Variants in SEC23A observed in about 807,000 individuals in gnomAD.
The protein encoded by SEC23A is SEC23 homolog A, COPII component.
A neutral mutation model predicts 103.7 loss-of-function variants in SEC23A; 56 were observed. That is an observed-to-expected ratio of 0.54 (90% CI 0.44 to 0.67). The LOEUF (loss-of-function observed/expected upper bound fraction) is 0.67. Ranked by LOEUF, SEC23A falls within the 30% of genes least tolerant of loss-of-function variation. The pLI is 0.00. For synonymous variants in SEC23A, 281 were observed against 293.0 expected (o/e 0.96, Z 0.42); for missense variants, 784 against 936.4 (o/e 0.84, Z 2.12).
At position 39,094,415 on chromosome 14, in the gene SEC23A, TATATATATATATATATATATATATATA is replaced by T. The variant is rs1566514979; in HGVS notation, c.222-1198_222-1172del. ...ACACACACATATATATATATATATA[TATATATATATATATATATATATATATA>T]TTTTTTTTTTTTTTTTTTCCCCTCC... is the stretch of plus-strand genomic sequence containing the variant. On this transcript the variant is annotated intron_variant, in intron 2 of 19. Transcript: ENST00000307712. Among the ~76,000 whole-genome samples the T allele has an allele frequency of 4.8e-3, 239 of 50,088 alleles. 7 individuals carry two copies. Among genetic ancestry groups the T allele is most frequent in the Middle Eastern group, 0.013 (1 of 78 alleles). 32.9% of individuals were successfully genotyped at this position (50,088 alleles called of 152,430 possible). A position where few individuals can be genotyped will look rare whatever the true frequency, so the allele number is the denominator to read the frequency against.
intron 7 of SEC23A, among the ~76,000 whole-genome samples, chr14:39,078,855 T>C (rs1764565968): frequency 6.6e-6 from 1 of 151,892 alleles, no homozygotes; most frequent in African/African-American, 2.4e-5. Context: ...AGGTCCAGCA[T>C]CAATGTAACA....
At chr14:39,093,030 ATT>A in intron 3 of SEC23A, 155 bp downstream of exon 3, 3 of 511,190 alleles carry the variant, frequency 5.9e-6, no homozygotes, top group East Asian at 3.9e-5. Context: ...CGCCCAGCTA[ATT>A]TTTTTTTTGT....
At chr14:39,081,640 T>C (rs576367999) in intron 7 of SEC23A, among the ~76,000 whole-genome samples, 1 of 152,288 alleles carries the variant, frequency 6.6e-6, no homozygotes. Flanking sequence ...ATATATTTGA[T>C]AACGGGAGCA....
intron 1 of SEC23A, among the ~76,000 whole-genome samples, chr14:39,101,233 A>G (rs900791906): frequency 6.6e-6 from 1 of 152,242 alleles, no homozygotes; most frequent in Non-Finnish European, 1.5e-5. Context: ...ACTTTGGTTA[A>G]ATAATTTATC....
intron 19 of SEC23A, among the ~76,000 whole-genome samples, chr14:39,036,819 T>C (rs1322296652): frequency 6.6e-6 from 1 of 152,224 alleles, no homozygotes; most frequent in Non-Finnish European, 1.5e-5. Flanking sequence ...GAATCATTTA[T>C]ACTTTCGACC....
intron 12 of SEC23A, among the ~76,000 whole-genome samples, chr14:39,062,152 G>A (rs1886502581): frequency 1.3e-5 from 2 of 152,104 alleles, no homozygotes; most frequent in Non-Finnish European, 2.9e-5. Context: ...CAAAGAAAAG[G>A]GAGAGCACAA....
chr14:39,080,051 A>T (rs1263716725), intron 7 of SEC23A, among the ~76,000 whole-genome samples: 4 of 152,148 alleles, frequency 2.6e-5, no homozygotes, highest in Admixed American at 6.5e-5. Flanking sequence ...AATGAAGAAA[A>T]GAGCAAATAA....
At chr14:39,082,699 T>C (rs1887269663) in intron 7 of SEC23A, among the ~76,000 whole-genome samples, 1 of 152,182 alleles carries the variant, frequency 6.6e-6, no homozygotes, top group Non-Finnish European at 1.5e-5. Flanking sequence ...AAAGTGAATA[T>C]CATCAGTAAC....
At chr14:39,037,401 T>A (rs556612760) in intron 19 of SEC23A, among the ~76,000 whole-genome samples, 11 of 152,328 alleles carry the variant, frequency 7.2e-5, no homozygotes, top group African/African-American at 2.6e-4. Context: ...CCTCACCTGT[T>A]TTTTAAAAAT....
intron 7 of SEC23A, among the ~76,000 whole-genome samples, chr14:39,077,245 A>AG (rs1428576584): frequency 3.5e-4 from 52 of 149,368 alleles, no homozygotes; most frequent in Non-Finnish European, 2.7e-4. Context: ...AAAAAAAAAA[A>AG]AAAAAAAAAA....
chr14:39,060,360 A>C (rs1566492373), intron 13 of SEC23A, among the ~76,000 whole-genome samples: 1 of 152,210 alleles, frequency 6.6e-6, no homozygotes, highest in African/African-American at 2.4e-5. Flanking sequence ...GCTAATACTC[A>C]GTTCAAATGT....
intron 1 of SEC23A, among the ~76,000 whole-genome samples, chr14:39,099,610 C>T (rs991700040): frequency 8.5e-5 from 13 of 152,230 alleles, no homozygotes; most frequent in Middle Eastern, 3.4e-3. Flanking sequence ...ATACATTACT[C>T]AGTGAAGCAA....
intron 7 of SEC23A, 136 bp from the exon 8 acceptor site, chr14:39,076,229 G>A: frequency 1.2e-6 from 1 of 822,080 alleles, no homozygotes; most frequent in Non-Finnish European, 1.9e-6. Flanking sequence ...TGTTTACAAT[G>A]AAATTTAAAA....
chr14:39,066,328 T>C (rs969679242), intron 10 of SEC23A, among the ~76,000 whole-genome samples: 6 of 152,130 alleles, frequency 3.9e-5, no homozygotes, highest in African/African-American at 1.4e-4. Flanking sequence ...TTAATGTGCT[T>C]AGAGTTAATT....
At chr14:39,074,919 A>T (rs1886963386) in intron 8 of SEC23A, among the ~76,000 whole-genome samples, 3 of 152,132 alleles carry the variant, frequency 2.0e-5, no homozygotes, top group Admixed American at 2.0e-4. Flanking sequence ...CATCCTGGCA[A>T]ACACGGTGAA....
chr14:39,064,356 C>A (rs1350583607), intron 11 of SEC23A, among the ~76,000 whole-genome samples: 7 of 152,148 alleles, frequency 4.6e-5, no homozygotes, highest in African/African-American at 1.7e-4. Context: ...ATAAAAAGAA[C>A]ATAAAGAACT....
intron 10 of SEC23A, among the ~76,000 whole-genome samples, chr14:39,065,648 A>G (rs1886633545): frequency 6.6e-6 from 1 of 152,008 alleles, no homozygotes; most frequent in Admixed American, 6.6e-5. Flanking sequence ...TCTCACCTCT[A>G]TGCCTCTCCT....
chr14:39,045,162 C>CCT lies in SEC23A; in HGVS notation c.1898_1899dup (p.Pro634SerfsTer25). The CCT allele has an allele frequency of 6.2e-7, 1 of 1,613,160 alleles. No individual in the cohort carries two copies. The highest frequency in any genetic ancestry group is 1.1e-5 in the South Asian group (1 of 91,046). The stretch of plus-strand genomic sequence containing the variant: ...AATTTATTTTTTTCTGTCCCTCTTA[C>CCT]CTCTGGTGGTCCACTAAAAGAATAC... On this transcript the variant is annotated frameshift_variant and splice_region_variant. Coordinates refer to ENST00000307712, the MANE Select transcript of SEC23A (RefSeq NM_006364.4). LOFTEE classifies it high-confidence loss of function.
chr14:39,096,164 T>G (rs757736246), intron 1 of SEC23A, 25 bp from the exon 2 acceptor site: 1 of 1,422,934 alleles, frequency 7.0e-7, no homozygotes, highest in Non-Finnish European at 9.9e-7. Flanking sequence ...TAAAATATTT[T>G]AAAATCCAGG....
Sources: gnomAD v4.1 joint callset for allele counts (sites outside exome capture counted in the v4.1 genomes callset) on GRCh38, gnomAD v4.1.1 for gene constraint, MANE v1.5 for transcripts, NCBI Gene and HGNC (gene_info 2026-07-23, HGNC 2026-07-21) for gene names.